The following PTPRD variants were observed in gnomAD, a reference collection of about 807,000 sequenced individuals.
The protein encoded by PTPRD is receptor-type tyrosine-protein phosphatase delta.
PTPRD carries 34 observed loss-of-function variants against 214.5 expected under a neutral mutation model. That is an observed-to-expected ratio of 0.16 (90% CI 0.12 to 0.21). The LOEUF (loss-of-function observed/expected upper bound fraction) is 0.21. Among genes scored for constraint, PTPRD ranks in the 10% least tolerant of loss-of-function variants. The probability of loss-of-function intolerance (pLI) is 1.00; values close to 1 mark genes in which losing one functional copy is unlikely to be tolerated. For missense variants in PTPRD, 2,545 were observed against 2,398.7 expected, an observed-to-expected ratio of 1.06 and a Z score of -1.27; for synonymous variants, 1,128 against 845.7, an observed-to-expected ratio of 1.33 and a Z score of -5.79.
At chr9:8,354,577 C>CA (rs2076502305) in intron 39 of PTPRD, among the ~76,000 whole-genome samples, 1 of 152,160 alleles carries the variant, frequency 6.6e-6, no homozygotes, top group East Asian at 1.9e-4. Flanking sequence ...GCATCTGGGC[C>CA]TTTGAACTCC....
chr9:9,246,696 A>C (rs1438119245), intron 9 of PTPRD, among the ~76,000 whole-genome samples: 1 of 152,024 alleles, frequency 6.6e-6, no homozygotes, highest in Non-Finnish European at 1.5e-5. Flanking sequence ...CACCGGCAAC[A>C]TCAGTTTGGG....
intron 3 of PTPRD, among the ~76,000 whole-genome samples, chr9:10,167,629 G>C (rs146113664): frequency 1.8e-3 from 276 of 152,256 alleles, no homozygotes; most frequent in African/African-American, 6.5e-3. Context: ...AAAATAGGAT[G>C]ATTTATGAAG....
intron 2 of PTPRD, among the ~76,000 whole-genome samples, chr9:10,410,988 T>C (rs1366322685): frequency 6.6e-6 from 1 of 151,770 alleles, no homozygotes; most frequent in African/African-American, 2.4e-5. Context: ...ATTACCTTCA[T>C]TTAGGAATAA....
rs181779653 is a variant in PTPRD at position 8,389,187 on chromosome 9, T to C, written c.4386+45A>G. 3.0e-4 allele frequency: 469 copies of C among 1,538,094 alleles called. No individual in the cohort carries two copies. In the African/African-American group the frequency reaches 5.6e-3, roughly 18 times the overall value. ...AATAAAATATGCAACATAGGGACTC[T>C]GAGGGAAAATTTTTAAAAGGAAAGA... On this transcript the variant is annotated intron_variant, in intron 37 of 45. Transcript: ENST00000381196.
intron 8 of PTPRD, among the ~76,000 whole-genome samples, chr9:9,532,151 C>A (rs2075619494): frequency 6.6e-6 from 1 of 151,776 alleles, no homozygotes; most frequent in Non-Finnish European, 1.5e-5. Flanking sequence ...TGCAGGAGAG[C>A]TAGGAAGAAA....
chr9:10,098,489 A>G (rs2098517242), intron 3 of PTPRD, among the ~76,000 whole-genome samples: 1 of 151,774 alleles, frequency 6.6e-6, no homozygotes, highest in East Asian at 1.9e-4. Flanking sequence ...AACTTAAAGT[A>G]TAATAATAAT....
At chr9:9,997,628 T>G (rs893918097) in intron 4 of PTPRD, among the ~76,000 whole-genome samples, 5 of 152,124 alleles carry the variant, frequency 3.3e-5, no homozygotes, top group Admixed American at 3.3e-4. Flanking sequence ...AGAAATAATT[T>G]TAGGCAGATA....
At chr9:10,217,907 C>A (rs2099548965) in intron 3 of PTPRD, among the ~76,000 whole-genome samples, 1 of 151,838 alleles carries the variant, frequency 6.6e-6, no homozygotes, top group African/African-American at 2.4e-5. Context: ...ATTTAGCAGG[C>A]AACGGGTTTG....
chr9:9,591,837 A>T (rs562904821), intron 7 of PTPRD, among the ~76,000 whole-genome samples: 1 of 152,160 alleles, frequency 6.6e-6, no homozygotes, highest in East Asian at 1.9e-4. Flanking sequence ...ATTTTATTTT[A>T]TAGCCATTTT....
At chr9:10,420,317 T>C (rs190642783) in intron 2 of PTPRD, among the ~76,000 whole-genome samples, 1 of 151,902 alleles carries the variant, frequency 6.6e-6, no homozygotes, top group Non-Finnish European at 1.5e-5. Context: ...TCCTTTGACA[T>C]CTTTACTAGT....
chr9:9,144,661 G>A (rs778911373), intron 10 of PTPRD, among the ~76,000 whole-genome samples: 1 of 152,080 alleles, frequency 6.6e-6, no homozygotes, highest in African/African-American at 2.4e-5. Flanking sequence ...GTTGAAGCAC[G>A]AGAATCACTT....
At chr9:9,226,515 G>A (rs900792024) in intron 9 of PTPRD, among the ~76,000 whole-genome samples, 1 of 151,936 alleles carries the variant, frequency 6.6e-6, no homozygotes, top group Admixed American at 6.6e-5. Context: ...AAGGTGACAA[G>A]TGGAGGGAGA....
intron 5 of PTPRD, among the ~76,000 whole-genome samples, chr9:9,814,082 G>A (rs988288400): frequency 7.2e-5 from 11 of 152,050 alleles, no homozygotes; most frequent in Non-Finnish European, 1.6e-4. Context: ...AAATGAATTT[G>A]ATAAAATTTA....
At chr9:9,835,839 G>A in intron 5 of PTPRD, among the ~76,000 whole-genome samples, 1 of 152,032 alleles carries the variant, frequency 6.6e-6, no homozygotes, top group East Asian at 1.9e-4. Flanking sequence ...CTGCCATATT[G>A]TAATCCCTTC....
chr9:9,842,312 T>TTTC (rs2058530858), intron 5 of PTPRD, among the ~76,000 whole-genome samples: 1 of 146,106 alleles, frequency 6.8e-6, no homozygotes, highest in Non-Finnish European at 1.5e-5. Flanking sequence ...TTTTTTTTTT[T>TTTC]TTTTTTTTTT....
chr9:8,987,326 G>A (rs1046267945), intron 11 of PTPRD, among the ~76,000 whole-genome samples: 7 of 152,026 alleles, frequency 4.6e-5, no homozygotes, highest in Admixed American at 3.9e-4. Context: ...TCAGGATTTC[G>A]GCTTTCTTAA....
intron 8 of PTPRD, among the ~76,000 whole-genome samples, chr9:9,420,789 T>TA (rs545867066): frequency 1.3e-5 from 2 of 152,100 alleles, no homozygotes; most frequent in South Asian, 4.1e-4. Context: ...ATTAAATTAT[T>TA]AAAAAACAGT....
intron 14 of PTPRD, among the ~76,000 whole-genome samples, chr9:8,632,169 T>C (rs1180172609): frequency 4.9e-5 from 7 of 144,034 alleles, no homozygotes; most frequent in Non-Finnish European, 1.1e-4. Flanking sequence ...GTGTGTTTAG[T>C]TTCAAAACCA....
At position 8,636,714 on chromosome 9, in the gene PTPRD, G is replaced by C. The variant is rs1238777751; in HGVS notation, c.195C>G (p.Ser65Arg). The C allele has an allele frequency of 6.2e-7, 1 of 1,613,964 alleles. No homozygotes were observed. The highest frequency in any genetic ancestry group is 8.5e-7 in the Non-Finnish European group (1 of 1,179,906). ...GACCTAATACCTCAAATCTCTGATT[G>C]CTGACTTTCTTTCCTTTTTTGTTCC... Reference protein sequence around the residue: ...IVWNKKGKKVSNQRFEVIEFD... With the variant: ...IVWNKKGKKVRNQRFEVIEFD... Residue 65 changes from serine (S) to arginine (R), a missense_variant, in exon 13 of 46, where the codon AGC becomes AGG. Physicochemically the swap from Ser to Arg is moderately radical, Grantham distance 110 (BLOSUM62 -1). Coordinates refer to ENST00000381196, the MANE Select transcript of PTPRD (RefSeq NM_002839.4).
Sources: gnomAD v4.1 joint callset for allele counts (sites outside exome capture counted in the v4.1 genomes callset) on GRCh38, gnomAD v4.1.1 for gene constraint, MANE v1.5 for transcripts, NCBI Gene and HGNC (gene_info 2026-07-23, HGNC 2026-07-21) for gene names.